Variants in CNTN4 observed in about 807,000 individuals in gnomAD.
CNTN4 encodes contactin 4.
CNTN4 carries 77 observed loss-of-function variants against 122.5 expected under a neutral mutation model. The observed-to-expected ratio is 0.63, with a 90% CI of 0.52 to 0.76. The LOEUF (loss-of-function observed/expected upper bound fraction) is 0.76, where lower values mean the gene tolerates loss of function less well. CNTN4 is among the 30% of genes least tolerant of loss of function. The pLI, the probability that CNTN4 is intolerant of heterozygous loss-of-function variation, is 0.00. For missense variants in CNTN4, 1,256 were observed against 1,259.1 expected (o/e 1.00, Z 0.04); for synonymous variants, 512 against 447.0 (o/e 1.15, Z -1.83).
At chr3:2,497,627 A>G (rs1294028487) in intron 3 of CNTN4, among the ~76,000 whole-genome samples, 1 of 152,172 alleles carries the variant, frequency 6.6e-6, no homozygotes, top group East Asian at 1.9e-4. Context: ...ATGAAATTTC[A>G]TATATTTTGT....
At chr3:2,180,651 T>A (rs1166907960) in intron 2 of CNTN4, among the ~76,000 whole-genome samples, 1 of 152,062 alleles carries the variant, frequency 6.6e-6, no homozygotes, top group Non-Finnish European at 1.5e-5. Flanking sequence ...CCTGAAAGCT[T>A]GTTCTTTCCA....
intron 6 of CNTN4, among the ~76,000 whole-genome samples, chr3:2,817,866 C>G (rs1559537911): frequency 6.6e-6 from 1 of 152,154 alleles, no homozygotes; most frequent in Non-Finnish European, 1.5e-5. Flanking sequence ...TTTTAAAATC[C>G]TGGTTTAATT....
chr3:3,028,859 T>C (rs541974627), intron 15 of CNTN4, among the ~76,000 whole-genome samples: 8 of 144,592 alleles, frequency 5.5e-5, no homozygotes, highest in African/African-American at 2.3e-4. Flanking sequence ...TATATGTGGA[T>C]TTTTTTTCTA....
intron 2 of CNTN4, among the ~76,000 whole-genome samples, chr3:2,113,253 G>A (rs2033099149): frequency 6.6e-6 from 1 of 152,126 alleles, no homozygotes; most frequent in Non-Finnish European, 1.5e-5. Context: ...GTTTGATATT[G>A]ATCTTTGATG....
intron 2 of CNTN4, among the ~76,000 whole-genome samples, chr3:2,131,714 G>A (rs113596493): frequency 2.9e-4 from 44 of 152,328 alleles, no homozygotes; most frequent in African/African-American, 1.0e-3. Flanking sequence ...GAAAACCCCA[G>A]TTAGTTTTTT....
At chr3:2,117,354 T>C (rs1406736143) in intron 2 of CNTN4, among the ~76,000 whole-genome samples, 1 of 152,236 alleles carries the variant, frequency 6.6e-6, no homozygotes, top group African/African-American at 2.4e-5. Flanking sequence ...GGGCCTTTCA[T>C]GCCCTTTCTG....
intron 3 of CNTN4, among the ~76,000 whole-genome samples, chr3:2,481,063 C>T (rs11706456): frequency 0.023 from 901 of 38,514 alleles, 5 homozygotes; most frequent in African/African-American, 0.042. Context: ...CTTTCTTTCT[C>T]TCTTTCTCTC....
intron 3 of CNTN4, among the ~76,000 whole-genome samples, chr3:2,541,384 G>A (rs536540028): frequency 6.6e-6 from 1 of 152,140 alleles, no homozygotes; most frequent in Admixed American, 6.6e-5. Flanking sequence ...GATCCTCTCA[G>A]TGTACTATTA....
At chr3:3,039,278 T>C (rs1699929248) in intron 19 of CNTN4, 1 of 382,732 alleles carries the variant, frequency 2.6e-6, no homozygotes, top group South Asian at 3.8e-5. Flanking sequence ...GAAGGCTGTT[T>C]CAGAGAAAAC....
At chr3:2,675,983 T>G (rs1324545661) in intron 4 of CNTN4, among the ~76,000 whole-genome samples, 2 of 152,240 alleles carry the variant, frequency 1.3e-5, no homozygotes, top group Admixed American at 6.5e-5. Flanking sequence ...TTCATGAAGT[T>G]TAACTCTAAG....
At chr3:2,386,882 G>A (rs2046274589) in intron 3 of CNTN4, among the ~76,000 whole-genome samples, 1 of 152,166 alleles carries the variant, frequency 6.6e-6, no homozygotes, top group Non-Finnish European at 1.5e-5. Context: ...GAGATAAGAT[G>A]TAGCTGCAAC....
intron 13 of CNTN4, among the ~76,000 whole-genome samples, chr3:2,983,507 G>A (rs1425808897): frequency 2.6e-5 from 4 of 152,072 alleles, no homozygotes; most frequent in Non-Finnish European, 5.9e-5. Flanking sequence ...GGCTAACTCT[G>A]GTCTATTCAT....
In CNTN4 at chr3:2,230,162, C is replaced by CA. The variant is rs536928963; in HGVS notation, c.-144-109015dup. On this transcript the variant is annotated intron_variant, in intron 2 of 24. Coordinates refer to ENST00000418658, the MANE Select transcript of CNTN4 (RefSeq NM_175607.3). ...CAAATCAGCTGTCACCTGTCCTACA[C>CA]AGCAGCGCATTGACAGCACAGGTGT... 7.2e-5 allele frequency among the ~76,000 whole-genome samples: 11 copies of CA among 152,350 alleles called. No homozygotes were observed. In the South Asian group the frequency reaches 1.9e-3, roughly 26 times the overall value.
intron 9 of CNTN4, among the ~76,000 whole-genome samples, chr3:2,883,581 G>A (rs2093936964): frequency 6.6e-6 from 1 of 152,190 alleles, no homozygotes; most frequent in South Asian, 2.1e-4. Context: ...TCCACTTGAG[G>A]TACAGTTAAG....
chr3:2,410,395 C>T (rs1325234176), intron 3 of CNTN4, among the ~76,000 whole-genome samples: 1 of 152,096 alleles, frequency 6.6e-6, no homozygotes, highest in East Asian at 1.9e-4. Flanking sequence ...CTCTTGAAAT[C>T]AATAATAAAG....
intron 3 of CNTN4, among the ~76,000 whole-genome samples, chr3:2,509,763 T>G (rs1209241186): frequency 2.6e-5 from 4 of 152,218 alleles, no homozygotes; most frequent in African/African-American, 9.6e-5. Context: ...TACACATTTT[T>G]TCACAAAAGA....
At chr3:2,479,396 G>A (rs994201807) in intron 3 of CNTN4, among the ~76,000 whole-genome samples, 62 of 152,132 alleles carry the variant, frequency 4.1e-4, no homozygotes, top group Admixed American at 1.6e-3. Flanking sequence ...GCCAGCCTGC[G>A]AATGTAACAA....
At chr3:3,014,693 C>G (rs2125538285) in intron 14 of CNTN4, among the ~76,000 whole-genome samples, 1 of 151,632 alleles carries the variant, frequency 6.6e-6, no homozygotes, top group South Asian at 2.1e-4. Flanking sequence ...TTCCTTGTCT[C>G]TTGGCTTTAA....
intron 4 of CNTN4, among the ~76,000 whole-genome samples, chr3:2,652,197 G>T (rs1402707754): frequency 1.3e-5 from 2 of 151,898 alleles, no homozygotes; most frequent in Non-Finnish European, 2.9e-5. Context: ...ACTGCAGCCT[G>T]GGCAACAGAG....
Sources: gnomAD v4.1 joint callset for allele counts (sites outside exome capture counted in the v4.1 genomes callset) on GRCh38, gnomAD v4.1.1 for gene constraint, MANE v1.5 for transcripts, NCBI Gene and HGNC (gene_info 2026-07-23, HGNC 2026-07-21) for gene names.